Variants in IGSF5 observed in about 807,000 individuals in gnomAD.
IGSF5 encodes the protein immunoglobulin superfamily 5 like.
In IGSF5, 41 loss-of-function variants were observed where a neutral mutation model predicts 39.4. That is an observed-to-expected ratio of 1.04 (90% CI 0.81 to 1.35). The LOEUF (loss-of-function observed/expected upper bound fraction) is 1.35, where lower values mean the gene tolerates loss of function less well. Ranked by LOEUF, IGSF5 falls within the 40% of genes most tolerant of loss-of-function variation. IGSF5 has a pLI of 0.00. For synonymous variants in IGSF5, 183 were observed against 175.3 expected (o/e 1.04, Z -0.34); for missense variants, 487 against 494.6 (o/e 0.98, Z 0.15).
chr21:39,792,290 T>C lies in IGSF5; in HGVS notation c.1048+191T>C, dbSNP rs3888694. 5.6e-3 allele frequency among the ~76,000 whole-genome samples: 853 copies of C among 152,300 alleles called. 12 individuals are homozygous for C. The highest frequency in any genetic ancestry group is 0.019 in the African/African-American group (771 of 41,558). ...AGTAGGTTAACAGTAAAAATCCACC[T>C]ATTTGTCTAATGCTTAAAATAAAGT... On this transcript the variant is annotated intron_variant, in intron 7 of 8. Coordinates refer to ENST00000380588, the MANE Select transcript of IGSF5 (RefSeq NM_001080444.2).
chr21:39,789,541 C>T (rs1017570445), intron 6 of IGSF5, among the ~76,000 whole-genome samples: 1 of 152,064 alleles, frequency 6.6e-6, no homozygotes, highest in East Asian at 1.9e-4. Context: ...TCCCCTTTCA[C>T]GATGTCCATG....
At chr21:39,765,954 C>T (rs2080085616) in intron 3 of IGSF5, 102 bp downstream of exon 3, 3 of 1,067,698 alleles carry the variant, frequency 2.8e-6, no homozygotes, top group Admixed American at 2.4e-5. Flanking sequence ...CGTGGTCTAC[C>T]TTCAGTTGGT....
the IGSF5 span, among the ~76,000 whole-genome samples, chr21:39,735,248 C>G: frequency 6.6e-6 from 1 of 152,190 alleles, no homozygotes; most frequent in East Asian, 1.9e-4. Flanking sequence ...TATGAGTAAT[C>G]TGTCTTAAAA....
At chr21:39,720,432 A>G in the IGSF5 span, among the ~76,000 whole-genome samples, 1 of 152,184 alleles carries the variant, frequency 6.6e-6, no homozygotes, top group Non-Finnish European at 1.5e-5. Context: ...GACCCCTGGA[A>G]TAGAAGGTTC....
intron 5 of IGSF5, among the ~76,000 whole-genome samples, chr21:39,781,842 T>C (rs1307712141): frequency 6.6e-6 from 1 of 152,202 alleles, no homozygotes; most frequent in East Asian, 1.9e-4. Flanking sequence ...ATTTTTGGGC[T>C]TTTTACTCCT....
Position 39,801,752 on chromosome 21 carries a change from A to T in IGSF5, c.*395A>T, listed in dbSNP as rs573862344. The T allele has an allele frequency of 6.3e-6, 1 of 158,862 alleles. No homozygotes were observed. Among genetic ancestry groups the T allele is most frequent in the African/African-American group, 2.4e-5 (1 of 41,780 alleles). The allele number at this position is 158,862 out of a possible 1,614,324, so 9.8% of individuals were successfully genotyped here. ...AAGATGATATTTATGTATATTTAAT[A>T]TGTAGGGGTATTATTACATATTATC... On this transcript the variant is annotated 3_prime_UTR_variant, in exon 9 of 9. Transcript: ENST00000380588.
At chr21:39,741,730 A>G (rs1020054431), upstream of IGSF5, among the ~76,000 whole-genome samples, 16 of 152,190 alleles carry the variant, frequency 1.1e-4, no homozygotes, top group African/African-American at 3.9e-4. Context: ...AATGCAAACA[A>G]GAATTGAGAG....
Position 39,801,356 on chromosome 21 carries a change from A to C in IGSF5, c.1223A>C (p.Ter408SerextTer37), listed in dbSNP as rs776482980. Reference protein sequence around the residue: ...PEKVSNTTVV* With the variant: ...PEKVSNTTVVS Reference sequence around the variant, plus strand: ...AAGGTCAGTAATACAACTGTAGTATAGCAAAGCCTTCCCCAAGCTCCACTG... The same window carrying C: ...AAGGTCAGTAATACAACTGTAGTATCGCAAAGCCTTCCCCAAGCTCCACTG... Residue 408 changes from the stop codon to serine, a stop_lost, in exon 9 of 9, where the codon TAG becomes TCG. Coordinates refer to ENST00000380588, the MANE Select transcript of IGSF5 (RefSeq NM_001080444.2). 6.2e-7 allele frequency: 1 copy of C among 1,609,116 alleles called. No homozygotes were observed. The highest frequency in any genetic ancestry group is 8.5e-7 in the Non-Finnish European group (1 of 1,175,518).
At chr21:39,743,092 T>C (rs2079954999), upstream of IGSF5, among the ~76,000 whole-genome samples, 1 of 152,148 alleles carries the variant, frequency 6.6e-6, no homozygotes, top group Non-Finnish European at 1.5e-5. Flanking sequence ...ACAGCCTTCT[T>C]CCTAGTTTTC....
At chr21:39,725,925 G>C in the IGSF5 span, 6 of 152,140 alleles carry the variant, frequency 3.9e-5, no homozygotes, top group Non-Finnish European at 5.9e-5. Context: ...ATGAAACTGG[G>C]GCAAGATGTT....
the IGSF5 span, among the ~76,000 whole-genome samples, chr21:39,740,125 T>C: frequency 3.3e-5 from 5 of 152,340 alleles, no homozygotes; most frequent in South Asian, 1.0e-3. Flanking sequence ...AACTATGTCC[T>C]CGTGAGATTC....
intron 4 of IGSF5, among the ~76,000 whole-genome samples, chr21:39,773,161 T>C (rs1025407694): frequency 6.6e-6 from 1 of 152,114 alleles, no homozygotes; most frequent in Admixed American, 6.5e-5. Context: ...CCAGTGTGTG[T>C]TGTTCCCCTC....
At chr21:39,736,603 C>T in the IGSF5 span, among the ~76,000 whole-genome samples, 1 of 152,174 alleles carries the variant, frequency 6.6e-6, no homozygotes, top group Non-Finnish European at 1.5e-5. Context: ...AATAGGGCTT[C>T]CTCTCTTGCC....
chr21:39,737,497 G>A, the IGSF5 span, among the ~76,000 whole-genome samples: 14 of 152,234 alleles, frequency 9.2e-5, no homozygotes, highest in South Asian at 1.9e-3. Context: ...CTGACCGACC[G>A]GCTTCAAGCT....
At chr21:39,725,083 T>C in the IGSF5 span, among the ~76,000 whole-genome samples, 5 of 152,222 alleles carry the variant, frequency 3.3e-5, no homozygotes, top group African/African-American at 1.2e-4. Context: ...TGCTATTCTG[T>C]TCTCTGCTAA....
chr21:39,753,351 T>C (rs2080014694), intron 2 of IGSF5, among the ~76,000 whole-genome samples: 1 of 152,218 alleles, frequency 6.6e-6, no homozygotes, highest in Non-Finnish European at 1.5e-5. Context: ...CATTAGTCTA[T>C]GTGCCTATTT....
the IGSF5 span, among the ~76,000 whole-genome samples, chr21:39,737,393 A>G: frequency 6.6e-6 from 1 of 152,068 alleles, no homozygotes; most frequent in Non-Finnish European, 1.5e-5. Flanking sequence ...TTCTACTTGG[A>G]GACAGCTCAG....
chr21:39,769,746 C>T (rs143778837), intron 3 of IGSF5, among the ~76,000 whole-genome samples: 2 of 151,750 alleles, frequency 1.3e-5, no homozygotes, highest in African/African-American at 4.8e-5. Flanking sequence ...AAATGTGATT[C>T]GTTTCCATGA....
chr21:39,758,601 T>C (rs922180040), intron 2 of IGSF5, among the ~76,000 whole-genome samples: 1 of 152,168 alleles, frequency 6.6e-6, no homozygotes, highest in African/African-American at 2.4e-5. Context: ...CACTTCCTCT[T>C]CCTCACCACC....
Sources: gnomAD v4.1 joint callset for allele counts (sites outside exome capture counted in the v4.1 genomes callset) on GRCh38, gnomAD v4.1.1 for gene constraint, MANE v1.5 for transcripts, NCBI Gene and HGNC (gene_info 2026-07-23, HGNC 2026-07-21) for gene names.